Variants in FGD4 observed in about 807,000 individuals in gnomAD.
FGD4 encodes FYVE, RhoGEF and PH domain-containing protein 4.
A neutral mutation model predicts 102.0 loss-of-function variants in FGD4; 42 were observed. The ratio of observed to expected loss-of-function variants is 0.41; its 90% CI spans 0.32 to 0.53. The LOEUF (loss-of-function observed/expected upper bound fraction) is 0.53, where lower values mean the gene tolerates loss of function less well. Ranked by LOEUF, FGD4 falls within the 20% of genes least tolerant of loss-of-function variation. FGD4 has a pLI of 0.21. For missense variants in FGD4, 902 were observed against 1,078.2 expected (o/e 0.84, Z 2.29); for synonymous variants, 380 against 375.7 (o/e 1.01, Z -0.13).
At chr12:32,628,844 G>C (rs1367340438) in intron 14 of FGD4, among the ~76,000 whole-genome samples, 1 of 152,144 alleles carries the variant, frequency 6.6e-6, no homozygotes, top group Non-Finnish European at 1.5e-5. Flanking sequence ...TAACCAGAGA[G>C]CTGGGCCTTT....
intron 7 of FGD4, among the ~76,000 whole-genome samples, chr12:32,606,494 G>A (rs1271680794): frequency 3.0e-5 from 4 of 134,156 alleles, no homozygotes; most frequent in Non-Finnish European, 6.3e-5. Context: ...AAACCTCTCT[G>A]TCCCTTTCAT....
At chr12:32,540,552 T>G (rs906783405) in intron 1 of FGD4, among the ~76,000 whole-genome samples, 3 of 150,762 alleles carry the variant, frequency 2.0e-5, no homozygotes, top group African/African-American at 7.4e-5. Flanking sequence ...CCTTTTTTTT[T>G]CTTTCTTTCT....
intron 14 of FGD4, among the ~76,000 whole-genome samples, chr12:32,627,282 G>A (rs1416526279): frequency 6.6e-6 from 1 of 151,958 alleles, no homozygotes; most frequent in Admixed American, 6.6e-5. Context: ...AGCCTCCCAA[G>A]TAGCTGGGAT....
At chr12:32,569,627 T>A (rs1486664683) in intron 2 of FGD4, among the ~76,000 whole-genome samples, 6 of 152,168 alleles carry the variant, frequency 3.9e-5, no homozygotes, top group Non-Finnish European at 5.9e-5. Context: ...ATGGTATTTA[T>A]CTTGTTCTTT....
At chr12:32,600,446 C>T (rs1948307724) in intron 5 of FGD4, 2 of 1,287,238 alleles carry the variant, frequency 1.6e-6, no homozygotes, top group Admixed American at 4.6e-5. Context: ...AATTAACAAC[C>T]ATCTGGACAT....
chr12:32,471,436 C>T (rs374280983), intron 1 of FGD4, among the ~76,000 whole-genome samples: 1 of 152,124 alleles, frequency 6.6e-6, no homozygotes, highest in Non-Finnish European at 1.5e-5. Flanking sequence ...GAGACTTAGA[C>T]GCTATGTTTC....
chr12:32,420,116 AG>A (rs774430382), intron 1 of FGD4, among the ~76,000 whole-genome samples: 18 of 152,062 alleles, frequency 1.2e-4, no homozygotes, highest in African/African-American at 3.6e-4. Context: ...CCTGGGGGTG[AG>A]GGGGGTGACA....
Position 32,582,732 on chromosome 12 carries a change from C to T in FGD4, c.1011+265C>T, listed in dbSNP as rs1946715674. The T allele has an allele frequency of 1.4e-5, 7 of 488,746 alleles. No homozygotes were observed. The Admixed American group carries it at 2.2e-4, about 15-fold the overall frequency. 30.3% of individuals were successfully genotyped at this position (488,746 alleles called of 1,614,324 possible). A position where few individuals can be genotyped will look rare whatever the true frequency, so the allele number is the denominator to read the frequency against. Reference sequence around the variant, plus strand: ...GTGTGGAAACTTTAATATAGGAAATCCACAAATGTATTGTTTTTACATAGA... The same window carrying T: ...GTGTGGAAACTTTAATATAGGAAATTCACAAATGTATTGTTTTTACATAGA... On this transcript the variant is annotated intron_variant, in intron 4 of 16. Coordinates refer to ENST00000534526, the MANE Select transcript of FGD4 (RefSeq NM_001370298.3).
At chr12:32,459,297 G>A (rs898084179) in intron 1 of FGD4, among the ~76,000 whole-genome samples, 23 of 149,444 alleles carry the variant, frequency 1.5e-4, no homozygotes, top group Admixed American at 8.8e-4. Context: ...AGGTTCAAGC[G>A]ATTCTCATGC....
chr12:32,568,344 C>T (rs1433767583), intron 2 of FGD4, among the ~76,000 whole-genome samples: 1 of 152,170 alleles, frequency 6.6e-6, no homozygotes, highest in African/African-American at 2.4e-5. Flanking sequence ...TTTGCCTCAG[C>T]CTCAGAAAAT....
chr12:32,576,494 C>G (rs749179569), intron 3 of FGD4, 45 bp downstream of exon 3: 1 of 1,601,668 alleles, frequency 6.2e-7, no homozygotes, highest in African/African-American at 1.3e-5. Context: ...AAGAAGAAAG[C>G]TGATTTTCGA....
At chr12:32,437,697 CTT>C (rs1266507683) in intron 1 of FGD4, among the ~76,000 whole-genome samples, 2 of 151,462 alleles carry the variant, frequency 1.3e-5, no homozygotes, top group Non-Finnish European at 2.9e-5. Context: ...TGACCAGTGT[CTT>C]TTCATTTTTA....
At position 32,576,429 on chromosome 12, in the gene FGD4, C is replaced by A. The variant is rs913587128; in HGVS notation, c.483C>A (p.Ile161=). The change falls in exon 3 of 17, where the codon ATC becomes ATA. Residue 161 remains isoleucine, a synonymous_variant. Transcript: ENST00000534526. ...KEKPSKVSDL[I]SRFEGGSSLS... is the part of the protein sequence containing the mutation. ...AACCCAGTAAGGTATCAGATCTCAT[C>A]AGTCGCTTTGAAGGAGGCAGGTAAG... 6.2e-7 allele frequency: 1 copy of A among 1,613,966 alleles called. No homozygotes were observed. Among genetic ancestry groups the A allele is most frequent in the Non-Finnish European group, 8.5e-7 (1 of 1,180,014 alleles).
At chr12:32,441,629 G>T (rs1020590940) in intron 1 of FGD4, among the ~76,000 whole-genome samples, 2 of 151,914 alleles carry the variant, frequency 1.3e-5, no homozygotes. Flanking sequence ...ATTAGGGGAG[G>T]GGTAATGCCA....
intron 2 of FGD4, among the ~76,000 whole-genome samples, chr12:32,564,841 A>AT (rs1446343036): frequency 6.6e-6 from 1 of 152,180 alleles, no homozygotes; most frequent in Non-Finnish European, 1.5e-5. Flanking sequence ...AGCTTGAATG[A>AT]TTTTTTTCAG....
At chr12:32,634,613 G>A (rs1409342770) in intron 15 of FGD4, among the ~76,000 whole-genome samples, 1 of 152,134 alleles carries the variant, frequency 6.6e-6, no homozygotes, top group African/African-American at 2.4e-5. Flanking sequence ...GTAGGTTCAA[G>A]GTAGCCTGGA....
chr12:32,550,681 A>G (rs1248877574), intron 1 of FGD4, among the ~76,000 whole-genome samples: 1 of 151,210 alleles, frequency 6.6e-6, no homozygotes, highest in African/African-American at 2.4e-5. Flanking sequence ...AAAAAAAAAA[A>G]AAAAAAAAAA....
intron 1 of FGD4, among the ~76,000 whole-genome samples, chr12:32,413,189 T>G (rs1425515850): frequency 1.3e-5 from 2 of 152,022 alleles, no homozygotes; most frequent in African/African-American, 4.8e-5. Context: ...GATGATGGTT[T>G]GATAAGTGCA....
intron 1 of FGD4, among the ~76,000 whole-genome samples, chr12:32,435,874 T>C (rs1942212414): frequency 6.6e-6 from 1 of 152,186 alleles, no homozygotes; most frequent in Non-Finnish European, 1.5e-5. Flanking sequence ...AGTGCCCAAA[T>C]GCAACAGCAA....
Sources: gnomAD v4.1 joint callset for allele counts (sites outside exome capture counted in the v4.1 genomes callset) on GRCh38, gnomAD v4.1.1 for gene constraint, MANE v1.5 for transcripts, NCBI Gene and HGNC (gene_info 2026-07-23, HGNC 2026-07-21) for gene names.